ZNF846: variants seen among roughly 807,000 people sequenced by gnomAD.
ZNF846 encodes the protein zinc finger protein 846, also known as zinc finger protein 420 pseudogene.
A neutral mutation model predicts 16.0 loss-of-function variants in ZNF846; 15 were observed. The observed-to-expected ratio is 0.94, with a 90% CI of 0.63 to 1.45. ZNF846 has a LOEUF of 1.45. ZNF846 is among the 40% of genes most tolerant of loss of function. The pLI is 0.00. For missense variants in ZNF846, 714 were observed against 622.3 expected, an observed-to-expected ratio of 1.15 and a Z score of -1.57; for synonymous variants, 229 against 212.0, an observed-to-expected ratio of 1.08 and a Z score of -0.70.
chr19:9,757,392 G>A, downstream of ZNF846: 2 of 1,126,938 alleles, frequency 1.8e-6, no homozygotes, highest in South Asian at 1.6e-5. Flanking sequence ...TGGAAATTCA[G>A]TGAAGGTTGT....
intron 1 of ZNF846, among the ~76,000 whole-genome samples, chr19:9,766,288 C>A (rs2045313844): frequency 6.6e-6 from 1 of 151,798 alleles, no homozygotes; most frequent in African/African-American, 2.4e-5. Flanking sequence ...GTGGCTCACA[C>A]CTGTAATCCC....
intron 1 of ZNF846, among the ~76,000 whole-genome samples, chr19:9,766,493 G>A (rs548146562): frequency 1.7e-4 from 26 of 151,444 alleles, no homozygotes; most frequent in African/African-American, 6.3e-4. Context: ...TCCTAATTTA[G>A]GCTATTTCAA....
At chr19:9,777,890 G>T (rs59879487) in intron 1 of ZNF846, among the ~76,000 whole-genome samples, 1,960 of 152,142 alleles carry the variant, frequency 0.013, 37 homozygotes, top group African/African-American at 0.045. Flanking sequence ...GGCAGCTATT[G>T]TGAGTAACGG....
chr19:9,785,118 A>C (rs2045544476), intron 1 of ZNF846, among the ~76,000 whole-genome samples: 1 of 151,924 alleles, frequency 6.6e-6, no homozygotes, highest in African/African-American at 2.4e-5. Context: ...GGAAATATGC[A>C]TCATTGATGC....
chr19:9,782,396 C>A (rs1371482792), intron 1 of ZNF846, among the ~76,000 whole-genome samples: 1 of 152,140 alleles, frequency 6.6e-6, no homozygotes, highest in African/African-American at 2.4e-5. Context: ...TCCCACGTAG[C>A]TGGAACTTCA....
In ZNF846 at chr19:9,752,437, G is replaced by A. The variant is rs139376969; in HGVS notation, c.*2C>T. ...AGCCTGGACAACATGATGAAACTTCGTCTCTACAAAAAAAAAAAATACACA... is the reference window on the plus strand; with the variant it reads ...AGCCTGGACAACATGATGAAACTTCATCTCTACAAAAAAAAAAAATACACA... On this transcript the variant is annotated 3_prime_UTR_variant, in exon 6 of 6. Transcript: ENST00000588267. 516 of 416,524 alleles carry A rather than the reference G, an allele frequency of 1.2e-3. 2 individuals carry two copies. Among genetic ancestry groups the A allele is most frequent in the African/African-American group, 8.4e-3 (399 of 47,528 alleles). The allele number at this position is 416,524 out of a possible 1,614,324, so 25.8% of individuals were successfully genotyped here.
At chr19:9,772,530 G>A (rs1432078868), upstream of ZNF846, among the ~76,000 whole-genome samples, 1 of 151,822 alleles carries the variant, frequency 6.6e-6, no homozygotes, top group African/African-American at 2.4e-5. Flanking sequence ...AACCCAGGAG[G>A]CAGAGGTTGC....
chr19:9,773,611 G>A (rs1010707305), upstream of ZNF846, among the ~76,000 whole-genome samples: 16 of 152,030 alleles, frequency 1.1e-4, no homozygotes, highest in South Asian at 6.2e-4. Flanking sequence ...GTGAAATCCC[G>A]TCTCTATTAA....
At chr19:9,753,584 C>G (rs941646182), downstream of ZNF846, among the ~76,000 whole-genome samples, 2 of 151,582 alleles carry the variant, frequency 1.3e-5, no homozygotes, top group African/African-American at 4.9e-5. Flanking sequence ...ACAGCAACAT[C>G]TCATAAATTT....
downstream of ZNF846, among the ~76,000 whole-genome samples, chr19:9,754,788 TG>T (rs989636710): frequency 2.6e-5 from 4 of 151,424 alleles, no homozygotes; most frequent in African/African-American, 9.8e-5. Context: ...TTTGTTGATT[TG>T]TTTTTTTAGT....
In ZNF846 at chr19:9,758,364, G is replaced by C. The variant is rs1019165448; in HGVS notation, c.713C>G (p.Ser238Cys). ...TCTTCCATGTCCTATAAGGTGTGAG[G>C]AATTACTGAAGGCTTTCCCACATTC... Residue 238 changes from serine to cysteine, a missense_variant, in exon 6 of 6, where the codon TCC (serine) becomes TGC (cysteine). Physicochemically the swap from Ser to Cys is moderately radical, Grantham distance 112. Coordinates refer to ENST00000397902, the Ensembl canonical transcript of ZNF846. 14 of 1,613,252 alleles carry C rather than the reference G, an allele frequency of 8.7e-6. No individual in the cohort carries two copies. In the African/African-American group the frequency reaches 1.9e-4, roughly 22 times the overall value.
chr19:9,767,435 C>G (rs2045335059), intron 1 of ZNF846, among the ~76,000 whole-genome samples: 1 of 126,062 alleles, frequency 7.9e-6, no homozygotes, highest in African/African-American at 3.0e-5. Context: ...CCGCACCCGG[C>G]CAATACACAT....
At chr19:9,763,829 CAGAA>C (rs1264552786) in intron 2 of ZNF846, among the ~76,000 whole-genome samples, 2 of 152,188 alleles carry the variant, frequency 1.3e-5, no homozygotes, top group Non-Finnish European at 2.9e-5. Flanking sequence ...GATTGAGGAT[CAGAA>C]AGAATTAGTA....
intron 1 of ZNF846, among the ~76,000 whole-genome samples, chr19:9,784,629 G>C (rs2045539837): frequency 6.6e-6 from 1 of 152,048 alleles, no homozygotes; most frequent in Admixed American, 6.6e-5. Flanking sequence ...CGGGTGTCAG[G>C]CTGGGGGACA....
At chr19:9,777,412 CCTGTAATCCCAG>C (rs1201630177) in intron 1 of ZNF846, among the ~76,000 whole-genome samples, 1 of 151,968 alleles carries the variant, frequency 6.6e-6, no homozygotes, top group Non-Finnish European at 1.5e-5. Flanking sequence ...GTGGCTCATG[CCTGTAATCCCAG>C]CACTTTTGGA....
downstream of ZNF846, among the ~76,000 whole-genome samples, chr19:9,753,236 A>ATTT (rs2045102593): frequency 1.3e-4 from 15 of 113,638 alleles, no homozygotes; most frequent in South Asian, 3.2e-3. Flanking sequence ...TTATTTATTT[A>ATTT]TTTATTTATT....
intron 4 of ZNF846, among the ~76,000 whole-genome samples, chr19:9,761,579 C>G (rs2045229463): frequency 6.6e-6 from 1 of 151,746 alleles, no homozygotes; most frequent in Admixed American, 6.6e-5. Flanking sequence ...GGCGTGGTGT[C>G]AGGTGCCTGT....
chr19:9,761,701 A>G (rs1398121496), intron 4 of ZNF846, among the ~76,000 whole-genome samples: 1 of 149,858 alleles, frequency 6.7e-6, no homozygotes, highest in East Asian at 1.9e-4. Context: ...ACAGTGCAAG[A>G]CTCCATCTCA....
chr19:9,771,168 C>T (rs1299634101), upstream of ZNF846, among the ~76,000 whole-genome samples: 1 of 151,880 alleles, frequency 6.6e-6, no homozygotes, highest in Non-Finnish European at 1.5e-5. Context: ...TTCTTTCTTT[C>T]TATCCTTTTT....
Sources: allele counts gnomAD v4.1 joint callset (sites outside exome capture counted in the v4.1 genomes callset), GRCh38; gene constraint gnomAD v4.1.1; transcripts MANE v1.5; gene names NCBI Gene and HGNC (gene_info 2026-07-23, HGNC 2026-07-21).